CNTN3: variants seen among roughly 807,000 people sequenced by gnomAD.
CNTN3 encodes the protein contactin 3, also known as contactin-3.
CNTN3 carries 60 observed loss-of-function variants against 119.1 expected under a neutral mutation model. The ratio of observed to expected loss-of-function variants is 0.50; its 90% CI spans 0.41 to 0.62. The LOEUF is 0.62. Among genes scored for constraint, CNTN3 ranks in the 20% least tolerant of loss-of-function variants. The pLI is 0.00. For missense variants in CNTN3, 1,101 were observed against 1,242.4 expected (o/e 0.89, Z 1.71); for synonymous variants, 450 against 438.7 (o/e 1.03, Z -0.32).
chr3:74,522,782 G>T lies in CNTN3; in HGVS notation c.-80-1590C>A, dbSNP rs544526204. Among the ~76,000 whole-genome samples the T allele has an allele frequency of 3.4e-5, 5 of 148,144 alleles. No homozygotes were observed. In the South Asian group the frequency reaches 1.1e-3, roughly 31 times the overall value. On this transcript the variant is annotated intron_variant, in intron 1 of 22. Coordinates refer to ENST00000263665, the MANE Select transcript of CNTN3 (RefSeq NM_020872.3). ...GTAAATAACTCCAGAGGTGGAAAAA[G>T]GAAAAAAAAAAGGAAAGAAACATAT...
chr3:74,453,799 G>C (rs1702207703), intron 4 of CNTN3, among the ~76,000 whole-genome samples: 1 of 151,724 alleles, frequency 6.6e-6, no homozygotes, highest in Non-Finnish European at 1.5e-5. Flanking sequence ...GGAGCAGGTT[G>C]TTCAGTTTCC....
chr3:74,485,872 G>A (rs1187853028), intron 4 of CNTN3, among the ~76,000 whole-genome samples: 1 of 152,108 alleles, frequency 6.6e-6, no homozygotes, highest in African/African-American at 2.4e-5. Flanking sequence ...AAATAACATG[G>A]TACAAAATGG....
chr3:74,480,692 T>TATAGAAGAAAAA (rs71277518), intron 4 of CNTN3, among the ~76,000 whole-genome samples: 81,970 of 151,660 alleles, frequency 0.54, 23,197 homozygotes, highest in Non-Finnish European at 0.63. Context: ...CTATTTCTGA[T>TATAGAAGAAAAA]CTAGAAGATA....
intron 9 of CNTN3, among the ~76,000 whole-genome samples, chr3:74,365,264 G>C (rs1198047205): frequency 6.6e-6 from 1 of 152,094 alleles, no homozygotes. Flanking sequence ...TCCTAAATTT[G>C]ATTAAAGTAA....
chr3:74,540,170 G>T (rs1333456671), intron 1 of CNTN3, among the ~76,000 whole-genome samples: 1 of 152,172 alleles, frequency 6.6e-6, no homozygotes, highest in Non-Finnish European at 1.5e-5. Context: ...CTAATTCTCT[G>T]ATTTCTATTT....
intron 19 of CNTN3, among the ~76,000 whole-genome samples, chr3:74,287,071 T>C (rs1702128670): frequency 6.6e-6 from 1 of 152,200 alleles, no homozygotes; most frequent in Admixed American, 6.5e-5. Context: ...GACCTGAACA[T>C]AGTTTAAAAA....
chr3:74,417,086 G>C (rs1237377672), intron 5 of CNTN3, among the ~76,000 whole-genome samples: 3 of 152,064 alleles, frequency 2.0e-5, no homozygotes, highest in Non-Finnish European at 4.4e-5. Context: ...GCCTTGGCTT[G>C]TCAGTGCAGA....
intron 1 of CNTN3, among the ~76,000 whole-genome samples, chr3:74,588,215 G>A (rs1704632767): frequency 6.6e-6 from 1 of 151,880 alleles, no homozygotes; most frequent in Non-Finnish European, 1.5e-5. Context: ...TTGCATCAAT[G>A]TTCATCAAAA....
chr3:74,349,147 A>G (rs1383345768), intron 11 of CNTN3, among the ~76,000 whole-genome samples: 1 of 152,154 alleles, frequency 6.6e-6, no homozygotes, highest in Non-Finnish European at 1.5e-5. Context: ...TGGGAACAGT[A>G]GATGTTAAAT....
chr3:74,509,258 T>G (rs562077523), intron 2 of CNTN3, among the ~76,000 whole-genome samples: 2 of 151,924 alleles, frequency 1.3e-5, no homozygotes, highest in East Asian at 3.9e-4. Flanking sequence ...CTAAATCACC[T>G]AATTCTAAGT....
At chr3:74,423,522 C>A (rs1372526352) in intron 5 of CNTN3, among the ~76,000 whole-genome samples, 2 of 152,212 alleles carry the variant, frequency 1.3e-5, no homozygotes, top group Non-Finnish European at 2.9e-5. Context: ...GGCGAGGCAG[C>A]ACGTCCTTCT....
At chr3:74,415,117 T>C (rs1026098582) in intron 5 of CNTN3, among the ~76,000 whole-genome samples, 1 of 152,164 alleles carries the variant, frequency 6.6e-6, no homozygotes, top group African/African-American at 2.4e-5. Flanking sequence ...CAGGCTCCTC[T>C]GTCTGTTGGT....
intron 4 of CNTN3, among the ~76,000 whole-genome samples, chr3:74,446,219 C>A (rs530252455): frequency 6.6e-6 from 1 of 152,166 alleles, no homozygotes; most frequent in Non-Finnish European, 1.5e-5. Flanking sequence ...CGTACCTGAA[C>A]TACCTCAGGA....
intron 4 of CNTN3, among the ~76,000 whole-genome samples, chr3:74,431,111 T>C (rs1038182563): frequency 2.0e-5 from 3 of 152,210 alleles, no homozygotes; most frequent in African/African-American, 7.2e-5. Context: ...AGTCTTCACT[T>C]TGATACACGT....
chr3:74,486,983 C>T (rs1242125788), intron 3 of CNTN3, among the ~76,000 whole-genome samples: 1 of 152,048 alleles, frequency 6.6e-6, no homozygotes, highest in Non-Finnish European at 1.5e-5. Flanking sequence ...AGGCCAAGGT[C>T]CTGCTGACAA....
intron 20 of CNTN3, among the ~76,000 whole-genome samples, chr3:74,280,474 A>G (rs1323450330): frequency 6.6e-6 from 1 of 152,214 alleles, no homozygotes; most frequent in Non-Finnish European, 1.5e-5. Flanking sequence ...CCCAAGATGA[A>G]TCAATGAGAA....
intron 1 of CNTN3, among the ~76,000 whole-genome samples, chr3:74,526,986 A>T (rs1341961070): frequency 6.6e-6 from 1 of 151,862 alleles, no homozygotes; most frequent in Non-Finnish European, 1.5e-5. Flanking sequence ...AAATGCACAT[A>T]GACAGACATA....
intron 1 of CNTN3, among the ~76,000 whole-genome samples, chr3:74,542,691 C>G (rs551603545): frequency 6.6e-6 from 1 of 152,226 alleles, no homozygotes; most frequent in Non-Finnish European, 1.5e-5. Flanking sequence ...CTGTAGCTAA[C>G]AGTGTAAATT....
chr3:74,513,207 G>A (rs1703398972), intron 2 of CNTN3, among the ~76,000 whole-genome samples: 1 of 152,006 alleles, frequency 6.6e-6, no homozygotes, highest in Admixed American at 6.6e-5. Context: ...AAGTAAAAAA[G>A]GAAAAGACTA....
Sources: gnomAD v4.1 joint callset for allele counts (sites outside exome capture counted in the v4.1 genomes callset) on GRCh38, gnomAD v4.1.1 for gene constraint, MANE v1.5 for transcripts, NCBI Gene and HGNC (gene_info 2026-07-23, HGNC 2026-07-21) for gene names.